Variants in SYT9 observed in about 807,000 individuals in gnomAD.
The protein encoded by SYT9 is synaptotagmin 9.
Under a neutral mutation model 48.4 loss-of-function variants are expected in SYT9, and 22 were observed. That is an observed-to-expected ratio of 0.45 (90% CI 0.32 to 0.65). SYT9 has a LOEUF of 0.65. SYT9 is among the 30% of genes least tolerant of loss of function. The probability of loss-of-function intolerance (pLI) is 0.03; values close to 1 mark genes in which losing one functional copy is unlikely to be tolerated. For missense variants in SYT9, 577 were observed against 622.0 expected, an observed-to-expected ratio of 0.93 and a Z score of 0.77; for synonymous variants, 265 against 245.0, an observed-to-expected ratio of 1.08 and a Z score of -0.76.
intron 3 of SYT9, among the ~76,000 whole-genome samples, chr11:7,399,000 CAT>C (rs1846821893): frequency 6.6e-6 from 1 of 152,096 alleles, no homozygotes; most frequent in Non-Finnish European, 1.5e-5. Flanking sequence ...AGGGCCAAGA[CAT>C]ATGTTTTACT....
chr11:7,340,584 G>T (rs181068738), intron 3 of SYT9, among the ~76,000 whole-genome samples: 8 of 152,338 alleles, frequency 5.3e-5, no homozygotes, highest in Non-Finnish European at 1.0e-4. Flanking sequence ...GCCCTAACCA[G>T]TGAGGATAAG....
At chr11:7,275,031 C>G (rs1848361612) in intron 1 of SYT9, among the ~76,000 whole-genome samples, 1 of 151,844 alleles carries the variant, frequency 6.6e-6, no homozygotes, top group African/African-American at 2.4e-5. Flanking sequence ...GTATCTCCAT[C>G]CTGGCCTTGT....
chr11:7,376,180 G>A (rs1409512787), intron 3 of SYT9, among the ~76,000 whole-genome samples: 1 of 151,770 alleles, frequency 6.6e-6, no homozygotes, highest in Non-Finnish European at 1.5e-5. Context: ...TATAATGCAT[G>A]GTACATGGTA....
At chr11:7,380,149 A>C (rs1938674677) in intron 3 of SYT9, among the ~76,000 whole-genome samples, 1 of 152,314 alleles carries the variant, frequency 6.6e-6, no homozygotes, top group South Asian at 2.1e-4. Flanking sequence ...AACAACACAG[A>C]TGGAACTGGG....
At chr11:7,425,803 G>A (rs1847445279) in intron 6 of SYT9, among the ~76,000 whole-genome samples, 1 of 152,190 alleles carries the variant, frequency 6.6e-6, no homozygotes, top group South Asian at 2.1e-4. Flanking sequence ...TGAGCAGTCA[G>A]GACGTGGAGG....
intron 3 of SYT9, 93 bp from the exon 4 acceptor site, chr11:7,415,949 A>C: frequency 2.0e-6 from 3 of 1,475,722 alleles, no homozygotes; most frequent in Non-Finnish European, 1.9e-6. Flanking sequence ...CAAAAGGGGC[A>C]GTGTGTTCCC....
upstream of SYT9, among the ~76,000 whole-genome samples, chr11:7,248,822 C>CA (rs1847824996): frequency 6.6e-6 from 1 of 151,982 alleles, no homozygotes; most frequent in South Asian, 2.1e-4. Flanking sequence ...CATAAAATTA[C>CA]AAAAAACAAT....
intron 6 of SYT9, among the ~76,000 whole-genome samples, chr11:7,433,185 A>G (rs12284717): frequency 0.074 from 11,185 of 152,140 alleles, 619 homozygotes; most frequent in Non-Finnish European, 0.12. Context: ...CTTCTGCCAT[A>G]AGTAAAAGCT....
intron 1 of SYT9, among the ~76,000 whole-genome samples, chr11:7,270,832 GACACACACACAC>G (rs56891844): frequency 2.2e-3 from 322 of 147,282 alleles, no homozygotes; most frequent in African/African-American, 7.2e-3. Flanking sequence ...ACAAGACACA[GACACACACACAC>G]ACACACACAC....
At chr11:7,448,345 G>A (rs1347875867) in intron 6 of SYT9, among the ~76,000 whole-genome samples, 1 of 152,182 alleles carries the variant, frequency 6.6e-6, no homozygotes, top group Non-Finnish European at 1.5e-5. Context: ...CTTGAGACTT[G>A]GGGAAAACAT....
intron 3 of SYT9, among the ~76,000 whole-genome samples, chr11:7,337,678 G>A (rs1849652001): frequency 6.6e-6 from 1 of 152,142 alleles, no homozygotes; most frequent in South Asian, 2.1e-4. Flanking sequence ...ATTGATTTGT[G>A]TATGTTGAAC....
intron 3 of SYT9, among the ~76,000 whole-genome samples, chr11:7,369,293 G>A (rs10743017): frequency 0.68 from 102,958 of 151,252 alleles, 35,211 homozygotes; most frequent in East Asian, 0.87. Flanking sequence ...GTGTCTGTTC[G>A]TATTATTTGC....
At chr11:7,255,530 G>GAGGT (rs1847952439) in intron 1 of SYT9, among the ~76,000 whole-genome samples, 3 of 152,214 alleles carry the variant, frequency 2.0e-5, no homozygotes, top group Admixed American at 2.0e-4. Context: ...AATCCAGACA[G>GAGGT]AGGTGATAGT....
intron 3 of SYT9, among the ~76,000 whole-genome samples, chr11:7,375,921 C>G (rs1393236565): frequency 1.3e-5 from 2 of 152,094 alleles, no homozygotes; most frequent in Non-Finnish European, 2.9e-5. Flanking sequence ...ACATGGCCTG[C>G]TCCCTCACTT....
chr11:7,444,996 G>T (rs993801617), intron 6 of SYT9, among the ~76,000 whole-genome samples: 5 of 152,128 alleles, frequency 3.3e-5, no homozygotes, highest in Non-Finnish European at 5.9e-5. Flanking sequence ...GAGAGAGTGT[G>T]GTATTTAAAA....
At chr11:7,274,294 C>A (rs1037699710) in intron 1 of SYT9, among the ~76,000 whole-genome samples, 1 of 150,468 alleles carries the variant, frequency 6.6e-6, no homozygotes, top group African/African-American at 2.4e-5. Context: ...TACACTCTTT[C>A]CTTATATCTG....
chr11:7,266,828 A>G (rs368468205), intron 1 of SYT9, among the ~76,000 whole-genome samples: 1 of 152,046 alleles, frequency 6.6e-6, no homozygotes, highest in African/African-American at 2.4e-5. Flanking sequence ...TCCTGGAGAA[A>G]AGTGAGTAGT....
intron 1 of SYT9, among the ~76,000 whole-genome samples, chr11:7,239,831 A>G (rs894156985): frequency 1.2e-4 from 19 of 152,206 alleles, no homozygotes; most frequent in Non-Finnish European, 2.4e-4. Flanking sequence ...CAATTAAATC[A>G]ATAATTTACT....
intron 1 of SYT9, among the ~76,000 whole-genome samples, chr11:7,256,134 G>A (rs1260715571): frequency 2.0e-5 from 3 of 152,164 alleles, no homozygotes; most frequent in Non-Finnish European, 4.4e-5. Flanking sequence ...GGAACAGAAA[G>A]GAGGATTGGA....
Sources: gnomAD v4.1 joint callset for allele counts (sites outside exome capture counted in the v4.1 genomes callset) on GRCh38, gnomAD v4.1.1 for gene constraint, MANE v1.5 for transcripts, NCBI Gene and HGNC (gene_info 2026-07-23, HGNC 2026-07-21) for gene names.